The following ATP6V1H variants were observed in gnomAD, a reference collection of about 807,000 sequenced individuals.
ATP6V1H encodes ATPase H+ transporting V1 subunit H.
In ATP6V1H, 39 loss-of-function variants were observed where a neutral mutation model predicts 71.7. That is an observed-to-expected ratio of 0.54 (90% CI 0.42 to 0.71). The LOEUF is 0.71. Ranked by LOEUF, ATP6V1H falls within the 30% of genes least tolerant of loss-of-function variation. ATP6V1H has a pLI of 0.00. For synonymous variants in ATP6V1H, 192 were observed against 199.3 expected (o/e 0.96, Z 0.31); for missense variants, 509 against 594.9 (o/e 0.86, Z 1.50).
intron 9 of ATP6V1H, among the ~76,000 whole-genome samples, chr8:53,783,439 CTTT>C (rs1158623540): frequency 8.5e-5 from 13 of 152,054 alleles, no homozygotes; most frequent in African/African-American, 3.1e-4. Flanking sequence ...CTCTTTTCTT[CTTT>C]ATTAGTCTTG....
chr8:53,818,979 G>A (rs1040555397), intron 4 of ATP6V1H, among the ~76,000 whole-genome samples: 1 of 152,110 alleles, frequency 6.6e-6, no homozygotes, highest in Non-Finnish European at 1.5e-5. Flanking sequence ...GGCCAAGTGG[G>A]AGGGCTGCTT....
chr8:53,720,467 C>T (rs147427314), intron 13 of ATP6V1H, among the ~76,000 whole-genome samples: 25 of 152,330 alleles, frequency 1.6e-4, no homozygotes, highest in East Asian at 7.7e-4. Flanking sequence ...GACTATCTAG[C>T]TTCTATTCTG....
intron 12 of ATP6V1H, among the ~76,000 whole-genome samples, chr8:53,756,004 G>T (rs1291019384): frequency 7.0e-6 from 1 of 143,142 alleles, no homozygotes; most frequent in Non-Finnish European, 1.5e-5. Flanking sequence ...TGATCCGCCC[G>T]CCTCGGCCTC....
intron 2 of ATP6V1H, among the ~76,000 whole-genome samples, chr8:53,833,588 CT>C: frequency 6.6e-6 from 1 of 152,014 alleles, no homozygotes; most frequent in South Asian, 2.1e-4. Context: ...TTCCTCCTCT[CT>C]GGAAAATAAC....
intron 13 of ATP6V1H, among the ~76,000 whole-genome samples, chr8:53,742,424 T>G (rs1359578791): frequency 6.6e-6 from 1 of 152,194 alleles, no homozygotes; most frequent in Admixed American, 6.5e-5. Flanking sequence ...AAAATGCTTA[T>G]TCACTCCAGT....
chr8:53,779,658 TCTTA>T (rs1189016640), intron 9 of ATP6V1H, among the ~76,000 whole-genome samples: 1 of 151,960 alleles, frequency 6.6e-6, no homozygotes, highest in African/African-American at 2.4e-5. Context: ...TCTGTTAACC[TCTTA>T]CTTATAAAAC....
chr8:53,773,965 C>G (rs1459678518), intron 9 of ATP6V1H, among the ~76,000 whole-genome samples: 1 of 151,722 alleles, frequency 6.6e-6, no homozygotes, highest in African/African-American at 2.4e-5. Context: ...TAAAGTTATC[C>G]AAGGAGAAGA....
At chr8:53,795,584 A>T in intron 9 of ATP6V1H, 63 bp downstream of exon 9, 1 of 1,490,454 alleles carries the variant, frequency 6.7e-7, no homozygotes, top group Admixed American at 2.2e-5. Context: ...CCTGCTAAAA[A>T]CTCAAATATA....
intron 2 of ATP6V1H, among the ~76,000 whole-genome samples, chr8:53,835,679 A>AC (rs111714498): frequency 6.6e-6 from 1 of 151,968 alleles, no homozygotes; most frequent in African/African-American, 2.4e-5. Flanking sequence ...ATTTTTTAAC[A>AC]TTTTAAACTA....
intron 4 of ATP6V1H, among the ~76,000 whole-genome samples, chr8:53,819,547 C>CATATAT (rs34645455): frequency 0.026 from 910 of 35,088 alleles, 28 homozygotes; most frequent in Middle Eastern, 0.036. Context: ...AAAAAAAAAG[C>CATATAT]ATATATATAT....
At chr8:53,742,029 GTCATTCCCCTATT>G (rs1473774602) in intron 13 of ATP6V1H, among the ~76,000 whole-genome samples, 3 of 152,112 alleles carry the variant, frequency 2.0e-5, no homozygotes, top group Admixed American at 2.0e-4. Flanking sequence ...ACCACATCTT[GTCATTCCCCTATT>G]TAATATCCTT....
rs200154939 is a variant in ATP6V1H at position 53,811,125 on chromosome 8, A to G, written c.579+39T>C. ...AAGTGTATATGACTCAAAATAATTT[A>G]TTTTGGGGATGTTTAGGCCAGTGAA... is the stretch of plus-strand genomic sequence containing the variant. On this transcript the variant is annotated intron_variant, in intron 7 of 13. Transcript: ENST00000359530. The G allele has an allele frequency of 3.7e-5, 58 of 1,585,074 alleles. No homozygotes were observed. The South Asian group carries it at 5.5e-4, about 15-fold the overall frequency.
chr8:53,808,612 C>CA (rs1810169275), intron 7 of ATP6V1H, among the ~76,000 whole-genome samples: 3 of 151,662 alleles, frequency 2.0e-5, no homozygotes, highest in South Asian at 2.1e-4. Context: ...CACCAAAATA[C>CA]AAAAAAAATT....
intron 9 of ATP6V1H, among the ~76,000 whole-genome samples, chr8:53,773,373 CCT>C (rs1413979086): frequency 6.6e-6 from 1 of 152,120 alleles, no homozygotes; most frequent in Non-Finnish European, 1.5e-5. Context: ...ACTGAACCAA[CCT>C]CTCTCTGGCA....
chr8:53,756,565 G>C lies in ATP6V1H; in HGVS notation c.1267C>G (p.Arg423Gly). ...DVGEYVRHYPRGKRVIEQLGG... is the reference protein window; with the variant it reads ...DVGEYVRHYPGGKRVIEQLGG... The stretch of plus-strand genomic sequence containing the variant: ...ATGGCTTTCTCTTACCGTTTGCCTC[G>C]TGGATAATGCCGCACATATTCTCCA... The change falls in exon 12 of 14, where the codon CGA becomes GGA. Residue 423 changes from arginine to glycine, a missense_variant. Transcript: ENST00000359530. The C allele has an allele frequency of 1.2e-6, 2 of 1,612,878 alleles. No homozygotes were observed. Among genetic ancestry groups the C allele is most frequent in the Non-Finnish European group, 1.7e-6 (2 of 1,179,126 alleles).
chr8:53,743,630 C>G lies in ATP6V1H; in HGVS notation c.1338G>C (p.Gln446His). 1 of 1,613,930 alleles carries G rather than the reference C, an allele frequency of 6.2e-7. No homozygotes were observed. ...CCAGCAGAGCATTATAGCGGACCTG[C>G]TGGTCTTCATGATGCATGTGGTTCA... Reference protein sequence around the residue: ...LVMNHMHHEDQQVRYNALLAV... With the variant: ...LVMNHMHHEDHQVRYNALLAV... The change falls in exon 13 of 14, where the codon CAG (glutamine) becomes CAC (histidine). Residue 446 changes from glutamine to histidine, a missense_variant. Transcript: ENST00000359530.
intron 13 of ATP6V1H, among the ~76,000 whole-genome samples, chr8:53,722,061 T>G (rs1299369740): frequency 6.6e-6 from 1 of 152,240 alleles, no homozygotes; most frequent in Non-Finnish European, 1.5e-5. Context: ...AATAACAAAG[T>G]TATTTTTTCC....
chr8:53,755,685 CATATATATATATATATATATATATATAT>C (rs869109436), intron 12 of ATP6V1H, among the ~76,000 whole-genome samples: 1 of 24,256 alleles, frequency 4.1e-5, no homozygotes, highest in East Asian at 1.9e-3. Context: ...TACCAGCGTA[CATATATATATATATATATATATATATAT>C]ATATATATAT....
chr8:53,766,636 A>C (rs1375360774), intron 11 of ATP6V1H, among the ~76,000 whole-genome samples: 1 of 152,206 alleles, frequency 6.6e-6, no homozygotes, highest in Admixed American at 6.5e-5. Context: ...ATCCCTGAGA[A>C]AGAGAATGCG....
Sources: allele counts gnomAD v4.1 joint callset (sites outside exome capture counted in the v4.1 genomes callset), GRCh38; gene constraint gnomAD v4.1.1; transcripts MANE v1.5; gene names NCBI Gene and HGNC (gene_info 2026-07-23, HGNC 2026-07-21).